Variants in ANKRD65 observed in about 807,000 individuals in gnomAD.
ANKRD65 encodes ankyrin repeat domain-containing protein 65.
A neutral mutation model predicts 17.2 loss-of-function variants in ANKRD65; 26 were observed. That is an observed-to-expected ratio of 1.51 (90% confidence interval 1.11 to 2.09). The LOEUF (loss-of-function observed/expected upper bound fraction) is 2.09. Ranked by LOEUF, ANKRD65 falls within the 30% of genes most tolerant of loss-of-function variation. The pLI is 0.00. For synonymous variants in ANKRD65, 311 were observed against 272.2 expected, an observed-to-expected ratio of 1.14 and a Z score of -1.40; for missense variants, 621 against 542.2, an observed-to-expected ratio of 1.15 and a Z score of -1.44.
Position 1,419,211 on chromosome 1 carries a change from C to T in ANKRD65, c.1089G>A (p.Leu363=). 6.5e-7 allele frequency: 1 copy of T among 1,549,972 alleles called. No homozygotes were observed. The highest frequency in any genetic ancestry group is 8.7e-7 in the Non-Finnish European group (1 of 1,146,586). The change falls in exon 4 of 4, where the codon CTG becomes CTA. Residue 363 remains leucine, a synonymous_variant. Transcript: ENST00000537107. Reference sequence around the variant, plus strand: ...GGGCCACCTCGGCCCACTGCGTCCGCAGAGTGGGGCTGGCCCCTCGGCTCA... The same window carrying T: ...GGGCCACCTCGGCCCACTGCGTCCGTAGAGTGGGGCTGGCCCCTCGGCTCA... The part of the protein sequence containing the change: ...LLLSRGASPT[L]RTQWAEVAQM...
In ANKRD65 at chr1:1,420,391, G is replaced by T. The variant is rs1217358201; in HGVS notation, c.411C>A (p.Ser137=). 2.3e-6 allele frequency: 3 copies of T among 1,308,596 alleles called. No homozygotes were observed. The South Asian group carries it at 5.1e-5, about 22-fold the overall frequency. 81.1% of individuals were successfully genotyped at this position (1,308,596 alleles called of 1,614,324 possible). The change falls in exon 3 of 4, where the codon TCC becomes TCA. Residue 137 remains serine (S), a synonymous_variant. Coordinates refer to ENST00000537107, the MANE Select transcript of ANKRD65 (RefSeq NM_001145210.3). ...LQRGASAAAR[S]GTGLTPLHWA... Reference sequence around the variant, plus strand: ...AGTGCAGCGGCGTGAGGCCCGTCCCGGAGCGAGCCGCCGCCGAGGCCCCGC... The same window carrying T: ...AGTGCAGCGGCGTGAGGCCCGTCCCTGAGCGAGCCGCCGCCGAGGCCCCGC...
At position 1,420,182 on chromosome 1, in the gene ANKRD65, A is replaced by G. The variant is rs1366844150; in HGVS notation, c.620T>C (p.Leu207Pro). ...AAGGAGLDGA[L>P]LVAAAAGRGA... ...GCGCCCCGCAGCGGCAGCCACGAGC[A>G]GGGCGCCGTCCAGGCCCGCGCCGCC... Residue 207 changes from leucine to proline, a missense_variant, in exon 3 of 4, where the codon CTG (leucine) becomes CCG (proline). Leu to Pro is a moderately conservative substitution (Grantham distance 98, BLOSUM62 -3). Transcript: ENST00000537107. 2.8e-6 allele frequency: 3 copies of G among 1,061,288 alleles called. No homozygotes were observed. The highest frequency in any genetic ancestry group is 3.4e-5 in the African/African-American group (2 of 58,352). The allele number at this position is 1,061,288 out of a possible 1,614,324, so 65.7% of individuals were successfully genotyped here. A position where few individuals can be genotyped will look rare whatever the true frequency, so the allele number is the denominator to read the frequency against.
In ANKRD65 at chr1:1,419,165, G is replaced by T. The variant is rs1187628282; in HGVS notation, c.1135C>A (p.Pro379Thr). The change falls in exon 4 of 4, where the codon CCC (proline) becomes ACC (threonine). Residue 379 changes from proline (P) to threonine (T), a missense_variant. Coordinates refer to ENST00000537107, the MANE Select transcript of ANKRD65 (RefSeq NM_001145210.3). Reference protein sequence around the residue: ...EVAQMPEGDLPQALPELGGGE... With the variant: ...EVAQMPEGDLTQALPELGGGE... ...CCTCCAAGTTCAGGCAGCGCCTGGGGCAGGTCCCCCTCAGGCATCTGGGCC... is the reference window on the plus strand; with the variant it reads ...CCTCCAAGTTCAGGCAGCGCCTGGGTCAGGTCCCCCTCAGGCATCTGGGCC... The T allele has an allele frequency of 6.5e-7, 1 of 1,544,212 alleles. No homozygotes were observed. The highest frequency in any genetic ancestry group is 8.8e-7 in the Non-Finnish European group (1 of 1,142,090).
chr1:1,420,614 C>A, intron 2 of ANKRD65, 22 bp from the exon 3 acceptor site: 1 of 1,418,790 alleles, frequency 7.0e-7, no homozygotes, highest in South Asian at 1.6e-5. Context: ...GCAAGGGCGT[C>A]GGCGCGGGGG....
At chr1:1,421,090 T>C in intron 1 of ANKRD65, 43 bp downstream of exon 1, 1 of 1,349,340 alleles carries the variant, frequency 7.4e-7, no homozygotes, top group Non-Finnish European at 1.0e-6. Flanking sequence ...GAGCCCCCCA[T>C]TCCAGTTACC....
rs2100423316 is a variant in ANKRD65, at chr1:1,420,191, T to C, written c.611A>G (p.Asp204Gly). 9.9e-7 allele frequency: 1 copy of C among 1,014,404 alleles called. No homozygotes were observed. The highest frequency in any genetic ancestry group is 1.2e-6 in the Non-Finnish European group (1 of 851,260). 62.8% of individuals were successfully genotyped at this position (1,014,404 alleles called of 1,614,324 possible). Residue 204 changes from aspartate to glycine, a missense_variant, in exon 3 of 4, where the codon GAC becomes GGC. By Grantham distance (94) the Asp-to-Gly change is moderately conservative (BLOSUM62 -1). Transcript: ENST00000537107. Reference sequence around the variant, plus strand: ...AGCGGCAGCCACGAGCAGGGCGCCGTCCAGGCCCGCGCCGCCGGCCGCCAG... The same window carrying C: ...AGCGGCAGCCACGAGCAGGGCGCCGCCCAGGCCCGCGCCGCCGGCCGCCAG... Reference protein sequence around the residue: ...ELLAAGGAGLDGALLVAAAAG... With the variant: ...ELLAAGGAGLGGALLVAAAAG...
In ANKRD65 at chr1:1,419,382, C is replaced by G. The variant is rs181085315; in HGVS notation, c.918G>C (p.Leu306=). The G allele has an allele frequency of 7.2e-4, 1,113 of 1,550,162 alleles. 4 individuals are homozygous for G. The highest frequency in any genetic ancestry group is 5.0e-3 in the Middle Eastern group (30 of 5,992). Residue 306 remains leucine (L), a synonymous_variant, in exon 4 of 4, where the codon CTG becomes CTC. Transcript: ENST00000537107. ...CGTGGCCTTCCCGAGAGGCGTGATG[C>G]AGGGGTGTGAGGCCCAGGGTGTCCC... The part of the protein sequence containing the change: ...DARDTLGLTP[L]HHASREGHVE...
Position 1,420,392 on chromosome 1 carries a change from G to C in ANKRD65, c.410C>G (p.Ser137Cys). The change falls in exon 3 of 4, where the codon TCC becomes TGC. Residue 137 changes from serine (S) to cysteine (C), a missense_variant. By Grantham distance (112) the Ser-to-Cys change is moderately radical (BLOSUM62 -1). Transcript: ENST00000537107. ...LQRGASAAARSGTGLTPLHWA... is the reference protein window; with the variant it reads ...LQRGASAAARCGTGLTPLHWA... ...GTGCAGCGGCGTGAGGCCCGTCCCG[G>C]AGCGAGCCGCCGCCGAGGCCCCGCG... 1 of 1,310,024 alleles carries C rather than the reference G, an allele frequency of 7.6e-7. No homozygotes were observed. Among genetic ancestry groups the C allele is most frequent in the South Asian group, 1.7e-5 (1 of 58,962 alleles). 81.2% of individuals were successfully genotyped at this position (1,310,024 alleles called of 1,614,324 possible).
chr1:1,420,509 G>T lies in ANKRD65; in HGVS notation c.293C>A (p.Ala98Asp). Reference protein sequence around the residue: ...PLVRLLLQRGAPVGAVDRAGR... With the variant: ...PLVRLLLQRGDPVGAVDRAGR... ...CGCCCGGTCCACCGCGCCCACCGGG[G>T]CCCCTCGCTGCAGCAGGAGACGCAC... Residue 98 changes from alanine to aspartate, a missense_variant, in exon 3 of 4, where the codon GCC becomes GAC. Ala to Asp is a moderately radical substitution (Grantham distance 126, BLOSUM62 -2). Coordinates refer to ENST00000537107, the MANE Select transcript of ANKRD65 (RefSeq NM_001145210.3). 7.8e-7 allele frequency: 1 copy of T among 1,275,322 alleles called. No individual in the cohort carries two copies. The highest frequency in any genetic ancestry group is 3.2e-5 in the East Asian group (1 of 31,612). The allele number at this position is 1,275,322 out of a possible 1,614,324, so 79.0% of individuals were successfully genotyped here.
chr1:1,420,136 G>A lies in ANKRD65; in HGVS notation c.666C>T (p.Leu222=), dbSNP rs1466756573. The part of the protein sequence containing the change: ...AAGRGAALRF[L]LARGARVDAR... ...CGTCCACCCGCGCCCCGCGCGCCAG[G>A]AGGAAGCGCAGCGCCGCCCCGCGCC... Residue 222 remains leucine (L), a synonymous_variant, in exon 3 of 4, where the codon CTC becomes CTT. Coordinates refer to ENST00000537107, the MANE Select transcript of ANKRD65 (RefSeq NM_001145210.3). 17 of 1,239,798 alleles carry A rather than the reference G, an allele frequency of 1.4e-5. No individual in the cohort carries two copies. The African/African-American group carries it at 2.7e-4, about 20-fold the overall frequency. 76.8% of individuals were successfully genotyped at this position (1,239,798 alleles called of 1,614,324 possible). A position where few individuals can be genotyped will look rare whatever the true frequency, so the allele number is the denominator to read the frequency against.
chr1:1,419,067 TG>T lies in ANKRD65; in HGVS notation c.*32del, dbSNP rs1387950911. 2 of 1,457,102 alleles carry T rather than the reference TG, an allele frequency of 1.4e-6. No individual in the cohort carries two copies. The highest frequency in any genetic ancestry group is 2.9e-5 in the South Asian group (2 of 69,518). The allele number at this position is 1,457,102 out of a possible 1,614,324, so 90.3% of individuals were successfully genotyped here. A position where few individuals can be genotyped will look rare whatever the true frequency, so the allele number is the denominator to read the frequency against. ...CTCAGCCAGAGAGCCTGGAAATCACTGGGGCGGTGGAGCCTGGAGCCTGCTG... is the reference window on the plus strand; with the variant it reads ...CTCAGCCAGAGAGCCTGGAAATCACTGGGCGGTGGAGCCTGGAGCCTGCTG... On this transcript the variant is annotated 3_prime_UTR_variant, in exon 4 of 4. Transcript: ENST00000537107.
Position 1,420,558 on chromosome 1 carries a change from C to G in ANKRD65, c.244G>C (p.Val82Leu). The G allele has an allele frequency of 7.5e-7, 1 of 1,340,008 alleles. No homozygotes were observed. 83.0% of individuals were successfully genotyped at this position (1,340,008 alleles called of 1,614,324 possible). A position where few individuals can be genotyped will look rare whatever the true frequency, so the allele number is the denominator to read the frequency against. ...ACCAGGGGCGCGTGGCCCCGCAGCA[C>G]GGCCAGGTGGAGCGGGGTCCGGCCT... ...HAGRTPLHLA[V>L]LRGHAPLVRL... The change falls in exon 3 of 4, where the codon GTG becomes CTG. Residue 82 changes from valine (V) to leucine (L), a missense_variant. Transcript: ENST00000537107.
Position 1,421,020 on chromosome 1 carries a change from G to T in ANKRD65, c.1-15C>A. On this transcript the variant is annotated splice_polypyrimidine_tract_variant and intron_variant, in intron 1 of 3. Coordinates refer to ENST00000537107, the MANE Select transcript of ANKRD65 (RefSeq NM_001145210.3). ...TGGGAGTCCATCTGGGGGGGAGCAG[G>T]GATCCTACATCCACTGTGGAGGCCT... The T allele has an allele frequency of 6.5e-7, 1 of 1,549,968 alleles. No individual in the cohort carries two copies. The highest frequency in any genetic ancestry group is 1.2e-5 in the South Asian group (1 of 84,046).
At chr1:1,420,734 G>A in intron 2 of ANKRD65, 63 bp downstream of exon 2, 1 of 1,485,468 alleles carries the variant, frequency 6.7e-7, no homozygotes, top group Non-Finnish European at 9.0e-7. Context: ...CCCACCCAGT[G>A]CTGGGACCCC....
In ANKRD65 at chr1:1,419,447, C is replaced by T. The variant is rs1183613671; in HGVS notation, c.853G>A (p.Val285Ile). 1.7e-5 allele frequency: 27 copies of T among 1,549,234 alleles called. No individual in the cohort carries two copies. In the Admixed American group the frequency reaches 2.4e-4, roughly 13 times the overall value. The change falls in exon 4 of 4, where the codon GTC becomes ATC. Residue 285 changes from valine to isoleucine, a missense_variant. Transcript: ENST00000537107. ...GCCCCCTGGGTGACCAGCAACTGGA[C>T]GGCAAGCAGGTGTCCTCGGGCGGCA... is the stretch of plus-strand genomic sequence containing the variant. ...RAAARGHLLA[V>I]QLLVTQGAEV...
Position 1,420,053 on chromosome 1 carries a change from T to A in ANKRD65, c.749A>T (p.Gln250Leu). The A allele has an allele frequency of 7.8e-7, 1 of 1,275,450 alleles. No individual in the cohort carries two copies. The highest frequency in any genetic ancestry group is 9.9e-7 in the Non-Finnish European group (1 of 1,011,246). The allele number at this position is 1,275,450 out of a possible 1,614,324, so 79.0% of individuals were successfully genotyped here. Residue 250 changes from glutamine (Q) to leucine (L), a missense_variant and splice_region_variant, in exon 3 of 4, where the codon CAG becomes CTG. Coordinates refer to ENST00000537107, the MANE Select transcript of ANKRD65 (RefSeq NM_001145210.3). ...LGLAAALGRSQDIEVLLGHGA... is the reference protein window; with the variant it reads ...LGLAAALGRSLDIEVLLGHGA... ...TGCCGGGCGGAGGGCGGGACGTACC[T>A]GGGAGCGGCCTAGGGCGGCCGCCAG... is the stretch of plus-strand genomic sequence containing the variant.
intron 2 of ANKRD65, 69 bp from the exon 3 acceptor site, chr1:1,420,661 G>GCCC: frequency 4.0e-6 from 1 of 249,744 alleles, no homozygotes; most frequent in Non-Finnish European, 5.1e-6. Flanking sequence ...GCCCCACCCC[G>GCCC]TCCTGCCGCC....
Position 1,420,427 on chromosome 1 carries a change from C to T in ANKRD65, c.375G>A (p.Leu125=). 7.5e-7 allele frequency: 1 copy of T among 1,328,860 alleles called. No individual in the cohort carries two copies. 82.3% of individuals were successfully genotyped at this position (1,328,860 alleles called of 1,614,324 possible). The change falls in exon 3 of 4, where the codon CTG becomes CTA. Residue 125 remains leucine, a synonymous_variant. Coordinates refer to ENST00000537107, the MANE Select transcript of ANKRD65 (RefSeq NM_001145210.3). ...CCGCCGAGGCCCCGCGCTGCAGCAG[C>T]AGCTCGGCCACCCGCGAGTGTCCGT... is the stretch of plus-strand genomic sequence containing the variant. ...AWHGHSRVAE[L]LLQRGASAAA... is the part of the protein sequence containing the mutation.
At position 1,419,553 on chromosome 1, in the gene ANKRD65, G is replaced by C; in HGVS notation, c.751-4C>G. 6.6e-7 allele frequency: 1 copy of C among 1,516,958 alleles called. No individual in the cohort carries two copies. Among genetic ancestry groups the C allele is most frequent in the Non-Finnish European group, 8.8e-7 (1 of 1,133,306 alleles). 94.0% of individuals were successfully genotyped at this position (1,516,958 alleles called of 1,614,324 possible). A position where few individuals can be genotyped will look rare whatever the true frequency, so the allele number is the denominator to read the frequency against. On this transcript the variant is annotated splice_region_variant and splice_polypyrimidine_tract_variant and intron_variant, in intron 3 of 3. Coordinates refer to ENST00000537107, the MANE Select transcript of ANKRD65 (RefSeq NM_001145210.3). Reference sequence around the variant, plus strand: ...GGCCCAGCAGCACCTCAATGTCCTAGAAGAGGAGAGAAAAGCAGGGGCCGG... The same window carrying C: ...GGCCCAGCAGCACCTCAATGTCCTACAAGAGGAGAGAAAAGCAGGGGCCGG...
Sources: allele counts gnomAD v4.1 joint callset, GRCh38; gene constraint gnomAD v4.1.1; transcripts MANE v1.5; gene names NCBI Gene and HGNC (gene_info 2026-07-23, HGNC 2026-07-21).